TADA2A: variants seen among roughly 807,000 people sequenced by gnomAD.
TADA2A encodes the protein transcriptional adaptor 2A.
In TADA2A, 38 loss-of-function variants were observed where a neutral mutation model predicts 67.4. That is an observed-to-expected ratio of 0.56 (90% confidence interval 0.44 to 0.74). The LOEUF is 0.74. TADA2A is among the 30% of genes least tolerant of loss of function. The probability of loss-of-function intolerance (pLI) is 0.00; values close to 1 mark genes in which losing one functional copy is unlikely to be tolerated. For missense variants in TADA2A, 454 were observed against 547.0 expected, an observed-to-expected ratio of 0.83 and a Z score of 1.70; for synonymous variants, 192 against 181.6, an observed-to-expected ratio of 1.06 and a Z score of -0.46.
At chr17:37,411,420 A>G in intron 2 of TADA2A, 30 bp downstream of exon 2, 1 of 1,602,858 alleles carries the variant, frequency 6.2e-7, no homozygotes, top group Non-Finnish European at 8.5e-7. Context: ...GTCTCAGGTG[A>G]CTTATTATTA....
chr17:37,440,802 G>T, intron 6 of TADA2A, 140 bp downstream of exon 6: 1 of 1,134,200 alleles, frequency 8.8e-7, no homozygotes, highest in South Asian at 1.5e-5. Context: ...CAGCTATTGA[G>T]AGTCAGGATC....
At chr17:37,441,458 C>T (rs1246709708) in intron 6 of TADA2A, among the ~76,000 whole-genome samples, 1 of 152,006 alleles carries the variant, frequency 6.6e-6, no homozygotes, top group East Asian at 1.9e-4. Context: ...TCAGTGATGG[C>T]GAACTTTTTA....
chr17:37,420,547 C>T (rs2052201010), intron 2 of TADA2A, among the ~76,000 whole-genome samples: 1 of 145,580 alleles, frequency 6.9e-6, no homozygotes, highest in South Asian at 2.3e-4. Flanking sequence ...TGCCCACCAC[C>T]ACACCTGGCT....
chr17:37,474,845 T>C (rs1261149884), intron 15 of TADA2A, among the ~76,000 whole-genome samples: 4 of 152,298 alleles, frequency 2.6e-5, no homozygotes, highest in East Asian at 3.9e-4. Context: ...ATTCCTCTTT[T>C]GGGGAAAGCA....
intron 13 of TADA2A, 58 bp downstream of exon 13, chr17:37,470,590 A>C (rs1015761113): frequency 6.8e-7 from 1 of 1,465,952 alleles, no homozygotes; most frequent in Non-Finnish European, 9.0e-7. Flanking sequence ...TGGCCTTCAC[A>C]TATATTTTTG....
At chr17:37,463,739 G>A (rs1273140711) in intron 10 of TADA2A, among the ~76,000 whole-genome samples, 1 of 150,662 alleles carries the variant, frequency 6.6e-6, no homozygotes, top group Non-Finnish European at 1.5e-5. Flanking sequence ...CCGCCTCCCA[G>A]GCTCAGGTGA....
intron 1 of TADA2A, chr17:37,407,917 G>C (rs542213657): frequency 6.6e-6 from 1 of 150,524 alleles, no homozygotes; most frequent in African/African-American, 2.5e-5. Context: ...TTGAGATGGC[G>C]TTTCTTTCGC....
At chr17:37,418,638 C>T (rs1352759752) in intron 2 of TADA2A, among the ~76,000 whole-genome samples, 1 of 151,558 alleles carries the variant, frequency 6.6e-6, no homozygotes, top group Non-Finnish European at 1.5e-5. Context: ...GTCACCCAGG[C>T]TGGAGTGCAG....
intron 5 of TADA2A, 176 bp downstream of exon 5, chr17:37,438,005 T>A: frequency 3.2e-6 from 2 of 617,186 alleles, no homozygotes; most frequent in South Asian, 4.1e-5. Flanking sequence ...TCGAAATGTG[T>A]CACGAGGATA....
intron 3 of TADA2A, among the ~76,000 whole-genome samples, 174 bp downstream of exon 3, chr17:37,423,789 G>A (rs1052625628): frequency 1.4e-5 from 2 of 140,354 alleles, no homozygotes; most frequent in African/African-American, 5.4e-5. Flanking sequence ...TCACTCAGTC[G>A]CCCAGGCTGG....
At chr17:37,412,116 C>CAGGAGAATGGCATGAACCCGGG (rs1369907686) in intron 2 of TADA2A, among the ~76,000 whole-genome samples, 1 of 150,700 alleles carries the variant, frequency 6.6e-6, no homozygotes, top group Non-Finnish European at 1.5e-5. Flanking sequence ...GAGGCTGAGG[C>CAGGAGAATGGCATGAACCCGGG]AGGAGAATGG....
Position 37,421,791 on chromosome 17 carries a change from C to CA in TADA2A, c.26-1708dup, listed in dbSNP as rs1195906262. Among the ~76,000 whole-genome samples the CA allele has an allele frequency of 6.2e-3, 636 of 103,164 alleles. 45 individuals are homozygous for CA. Among genetic ancestry groups the CA allele is most frequent in the African/African-American group, 0.018 (469 of 26,076 alleles). 67.7% of individuals were successfully genotyped at this position (103,164 alleles called of 152,430 possible). A position where few individuals can be genotyped will look rare whatever the true frequency, so the allele number is the denominator to read the frequency against. On this transcript the variant is annotated intron_variant, in intron 2 of 15. Coordinates refer to ENST00000615182, the MANE Select transcript of TADA2A (RefSeq NM_001166105.3). ...TAGGTGACAGAGTGAGACCCTATCTCAAAAAAAAAAGGAGTTTTCTCTTAT... is the reference window on the plus strand; with the variant it reads ...TAGGTGACAGAGTGAGACCCTATCTCAAAAAAAAAAAGGAGTTTTCTCTTAT...
chr17:37,471,197 A>C, intron 14 of TADA2A, 60 bp downstream of exon 14: 1 of 1,549,558 alleles, frequency 6.5e-7, no homozygotes, highest in African/African-American at 1.4e-5. Flanking sequence ...TAGGGGTTAT[A>C]GTGACCCAGC....
chr17:37,430,160 T>C (rs911012360), intron 4 of TADA2A, among the ~76,000 whole-genome samples: 2 of 152,240 alleles, frequency 1.3e-5, no homozygotes, highest in African/African-American at 4.8e-5. Flanking sequence ...TTCTTCATAA[T>C]GCTGAAAGCA....
At chr17:37,413,038 C>T (rs1036723802) in intron 2 of TADA2A, among the ~76,000 whole-genome samples, 5 of 151,728 alleles carry the variant, frequency 3.3e-5, no homozygotes, top group South Asian at 2.1e-4. Flanking sequence ...AGCAATTCTC[C>T]GTCTCAGCCT....
At chr17:37,416,742 A>G (rs912205924) in intron 2 of TADA2A, among the ~76,000 whole-genome samples, 1 of 151,866 alleles carries the variant, frequency 6.6e-6, no homozygotes, top group East Asian at 2.0e-4. Flanking sequence ...GCACACACCT[A>G]TAGTCCCAAC....
chr17:37,430,011 G>A (rs1357128971), intron 4 of TADA2A, among the ~76,000 whole-genome samples: 3 of 152,218 alleles, frequency 2.0e-5, no homozygotes, highest in African/African-American at 7.2e-5. Context: ...CCTAGAGCCA[G>A]AATACAAATT....
intron 5 of TADA2A, among the ~76,000 whole-genome samples, chr17:37,439,024 G>A (rs2052817027): frequency 6.6e-6 from 1 of 152,136 alleles, no homozygotes; most frequent in Non-Finnish European, 1.5e-5. Flanking sequence ...ATGCCTTAGG[G>A]GAGGTCAAGT....
chr17:37,435,116 C>T (rs1391368464), intron 4 of TADA2A, among the ~76,000 whole-genome samples: 1 of 152,160 alleles, frequency 6.6e-6, no homozygotes, highest in African/African-American at 2.4e-5. Context: ...TGTGGTGGCA[C>T]ATGCTTGTAA....
Sources: gnomAD v4.1 joint callset for allele counts (sites outside exome capture counted in the v4.1 genomes callset) on GRCh38, gnomAD v4.1.1 for gene constraint, MANE v1.5 for transcripts, NCBI Gene and HGNC (gene_info 2026-07-23, HGNC 2026-07-21) for gene names.